Variants in WDR17 observed in about 807,000 individuals in gnomAD.
The protein encoded by WDR17 is WD repeat-containing protein 17.
A neutral mutation model predicts 161.7 loss-of-function variants in WDR17; 143 were observed. The observed-to-expected ratio is 0.88, with a 90% CI of 0.77 to 1.02. The LOEUF (loss-of-function observed/expected upper bound fraction) is 1.02, where lower values mean the gene tolerates loss of function less well. Among genes scored for constraint, WDR17 ranks in the 50% least tolerant of loss-of-function variants. The pLI is 0.00. For missense variants in WDR17, 1,469 were observed against 1,520.9 expected (o/e 0.97, Z 0.57); for synonymous variants, 517 against 515.6 (o/e 1.00, Z -0.04).
rs551108800 is a variant in WDR17 at position 176,170,458 on chromosome 4, G to A, written c.3102+1675G>A. On this transcript the variant is annotated intron_variant, in intron 23 of 28. Coordinates refer to ENST00000508596, the MANE Select transcript of WDR17 (RefSeq NM_181265.4). ...ACCCTCCCAAGTAGCTGGGATTACA[G>A]GCATGCACCATCACACCCAGCTAAT... Among the ~76,000 whole-genome samples, 19 of 151,992 alleles carry A rather than the reference G, an allele frequency of 1.3e-4. No homozygotes were observed. The South Asian group carries it at 3.3e-3, about 27-fold the overall frequency.
In WDR17 at chr4:176,172,534, A is replaced by G; in HGVS notation, c.3244+18A>G. 1 of 1,560,470 alleles carries G rather than the reference A, an allele frequency of 6.4e-7. No homozygotes were observed. The highest frequency in any genetic ancestry group is 8.6e-7 in the Non-Finnish European group (1 of 1,158,414). ...TGTTAAAGGTAAGTAATTAGTTGGT[A>G]GTAGAATTTTAAATATACTCATTTA... On this transcript the variant is annotated intron_variant, in intron 24 of 28. Transcript: ENST00000508596.
At chr4:176,124,919 T>G (rs1742211260) in intron 4 of WDR17, among the ~76,000 whole-genome samples, 185 bp from the exon 5 acceptor site, 1 of 152,184 alleles carries the variant, frequency 6.6e-6, no homozygotes, top group African/African-American at 2.4e-5. Flanking sequence ...AGCCTGACCT[T>G]CATCATTAGG....
chr4:176,147,556 A>G (rs1479159890), intron 12 of WDR17, among the ~76,000 whole-genome samples: 2 of 152,322 alleles, frequency 1.3e-5, no homozygotes, highest in East Asian at 3.9e-4. Flanking sequence ...GACATTTCAG[A>G]TAATACCCAT....
chr4:176,167,639 C>A (rs1182554954), intron 22 of WDR17, among the ~76,000 whole-genome samples: 3 of 52,290 alleles, frequency 5.7e-5, no homozygotes, highest in African/African-American at 7.3e-5. Flanking sequence ...AGCGAGACTC[C>A]GTCTCAAAAA....
intron 8 of WDR17, among the ~76,000 whole-genome samples, chr4:176,136,719 GA>G (rs142084384): frequency 0.018 from 2,740 of 150,690 alleles, 90 homozygotes; most frequent in African/African-American, 0.063. Context: ...CAGACGAAAA[GA>G]AAAAAAATGC....
intron 1 of WDR17, among the ~76,000 whole-genome samples, chr4:176,110,929 A>G (rs75671642): frequency 0.012 from 1,776 of 152,256 alleles, 18 homozygotes; most frequent in Non-Finnish European, 0.019. Flanking sequence ...GTCCTGCCAC[A>G]TAGACAATTT....
chr4:176,135,097 C>A lies in WDR17; in HGVS notation c.1099-11C>A, dbSNP rs369582703. 1.2e-6 allele frequency: 2 copies of A among 1,609,544 alleles called. No homozygotes were observed. The highest frequency in any genetic ancestry group is 1.3e-5 in the African/African-American group (1 of 74,762). ...CTCAATAATTATGACTTTTTTATGC[C>A]ATATTCCTAGGGACATGTGGAAACT... On this transcript the variant is annotated splice_polypyrimidine_tract_variant and intron_variant, in intron 7 of 28. Coordinates refer to ENST00000508596, the MANE Select transcript of WDR17 (RefSeq NM_181265.4).
intron 1 of WDR17, among the ~76,000 whole-genome samples, chr4:176,075,518 A>G (rs1456839724): frequency 6.6e-6 from 1 of 152,188 alleles, no homozygotes; most frequent in Non-Finnish European, 1.5e-5. Context: ...TTCTTTGCTT[A>G]ATACATTTTA....
At position 176,146,207 on chromosome 4, in the gene WDR17, T is replaced by C. The variant is rs1746134222; in HGVS notation, c.1694+48T>C. On this transcript the variant is annotated intron_variant, in intron 12 of 28. Transcript: ENST00000508596. ...TTTCTAGTCCTTAAAATCATAAGCT[T>C]ATATTTTCCTAGAAATGTACATATT... The C allele has an allele frequency of 3.8e-6, 6 of 1,562,820 alleles. No homozygotes were observed. In the East Asian group the frequency reaches 1.3e-4, roughly 35 times the overall value.
intron 1 of WDR17, among the ~76,000 whole-genome samples, chr4:176,108,070 T>A (rs534457256): frequency 3.3e-5 from 5 of 152,020 alleles, no homozygotes; most frequent in Admixed American, 1.3e-4. Context: ...ACAGGGTCTC[T>A]TTCTATCACC....
In WDR17 at chr4:176,139,967, G is replaced by T; in HGVS notation, c.1435G>T (p.Gly479Cys). The change falls in exon 10 of 29, where the codon GGT (glycine) becomes TGT (cysteine). Residue 479 changes from glycine to cysteine, a missense_variant. By Grantham distance (159) the Gly-to-Cys change is radical. Transcript: ENST00000508596. ...SKRIATCSSD[G>C]FCIIRTIDGK... is the part of the protein sequence containing the mutation. ...AAGAATAGCAACCTGCAGCAGTGAT[G>T]GTTTCTGGTAAGTACTATGTATGAT... 1 of 1,610,462 alleles carries T rather than the reference G, an allele frequency of 6.2e-7. No individual in the cohort carries two copies. Among genetic ancestry groups the T allele is most frequent in the Non-Finnish European group, 8.5e-7 (1 of 1,177,666 alleles).
chr4:176,154,132 T>C (rs779322846), intron 17 of WDR17, among the ~76,000 whole-genome samples: 49 of 152,210 alleles, frequency 3.2e-4, no homozygotes, highest in Non-Finnish European at 5.3e-4. Flanking sequence ...TTTATTGTTG[T>C]GCAGGTTCAT....
At chr4:176,122,180 A>G (rs552688694) in intron 4 of WDR17, among the ~76,000 whole-genome samples, 66 of 152,280 alleles carry the variant, frequency 4.3e-4, no homozygotes, top group African/African-American at 1.4e-3. Flanking sequence ...TTGTGGCAGT[A>G]TAACTGCAGT....
chr4:176,150,198 G>A (rs553500165), intron 15 of WDR17, 25 bp downstream of exon 15: 15 of 1,606,220 alleles, frequency 9.3e-6, no homozygotes, highest in African/African-American at 8.0e-5. Context: ...AATTAAATGC[G>A]AATATTTTCC....
At chr4:176,162,013 T>C in intron 20 of WDR17, 62 bp from the exon 21 acceptor site, 2 of 1,347,150 alleles carry the variant, frequency 1.5e-6, no homozygotes, top group Admixed American at 4.4e-5. Flanking sequence ...TTAAAAAGTA[T>C]TAGTTTGCTT....
At position 176,143,499 on chromosome 4, in the gene WDR17, TA is replaced by T. The variant is rs10646644; in HGVS notation, c.1529+1446del. Among the ~76,000 whole-genome samples the T allele has an allele frequency of 5.7e-3, 786 of 137,062 alleles. 1 individual carries two copies. Among genetic ancestry groups the T allele is most frequent in the African/African-American group, 8.5e-3 (319 of 37,608 alleles). 89.9% of individuals were successfully genotyped at this position (137,062 alleles called of 152,430 possible). ...GGCAACATAGTGAGACTTCGTCTCT[TA>T]AAAAAAAAAAAAAAATGAAAAATGA... On this transcript the variant is annotated intron_variant, in intron 11 of 28. Coordinates refer to ENST00000508596, the MANE Select transcript of WDR17 (RefSeq NM_181265.4).
At chr4:176,153,335 GGAT>G (rs377672010) in intron 17 of WDR17, among the ~76,000 whole-genome samples, 113 of 152,262 alleles carry the variant, frequency 7.4e-4, no homozygotes, top group African/African-American at 2.5e-3. Flanking sequence ...ATCTGATAAA[GGAT>G]GATGATTGTT....
chr4:176,096,596 T>A, intron 1 of WDR17: 1 of 1,567,374 alleles, frequency 6.4e-7, no homozygotes, highest in Non-Finnish European at 8.6e-7. Context: ...GTAAGATACA[T>A]TTACTTGTAA....
At position 176,150,714 on chromosome 4, in the gene WDR17, T is replaced by C. The variant is rs1746981446; in HGVS notation, c.2304+121T>C. On this transcript the variant is annotated intron_variant, in intron 16 of 28. Transcript: ENST00000508596. ...TCGGTAGATTTAAATAAATGAACAC[T>C]GAGGAGATCCATCTTGGGTAAAATG... is the stretch of plus-strand genomic sequence containing the variant. 5.1e-6 allele frequency: 5 copies of C among 974,538 alleles called. No homozygotes were observed. In the Admixed American group the frequency reaches 1.8e-4, roughly 35 times the overall value. 60.4% of individuals were successfully genotyped at this position (974,538 alleles called of 1,614,324 possible).
Sources: allele counts gnomAD v4.1 joint callset (sites outside exome capture counted in the v4.1 genomes callset), GRCh38; gene constraint gnomAD v4.1.1; transcripts MANE v1.5; gene names NCBI Gene and HGNC (gene_info 2026-07-23, HGNC 2026-07-21).